METTL15: variants seen among roughly 807,000 people sequenced by gnomAD.
The protein encoded by METTL15 is methyltransferase 15, mitochondrial 12S rRNA N4-cytidine.
METTL15 carries 34 observed loss-of-function variants against 38.3 expected under a neutral mutation model. That is an observed-to-expected ratio of 0.89 (90% CI 0.68 to 1.18). METTL15 has a LOEUF of 1.18. Ranked by LOEUF, METTL15 falls within the 50% of genes most tolerant of loss-of-function variation. METTL15 has a pLI of 0.00. For missense variants in METTL15, 438 were observed against 498.4 expected (o/e 0.88, Z 1.15); for synonymous variants, 162 against 170.9 (o/e 0.95, Z 0.41).
At chr11:28,161,721 C>T (rs1443129748) in intron 3 of METTL15, among the ~76,000 whole-genome samples, 1 of 149,452 alleles carries the variant, frequency 6.7e-6, no homozygotes, top group Non-Finnish European at 1.5e-5. Flanking sequence ...TATTTTGAAA[C>T]TTTACATCTT....
intron 4 of METTL15, among the ~76,000 whole-genome samples, chr11:28,353,604 A>C (rs1165691411): frequency 6.6e-6 from 1 of 152,156 alleles, no homozygotes; most frequent in Non-Finnish European, 1.5e-5. Flanking sequence ...GGGATGCAAG[A>C]GATCTTTTCC....
intron 4 of METTL15, among the ~76,000 whole-genome samples, chr11:28,215,857 G>A (rs886619809): frequency 1.3e-5 from 2 of 152,094 alleles, no homozygotes; most frequent in Non-Finnish European, 2.9e-5. Context: ...AACATAGTGA[G>A]ACACCGTTTC....
downstream of METTL15, among the ~76,000 whole-genome samples, chr11:28,334,735 G>T (rs1849885503): frequency 6.6e-6 from 1 of 152,212 alleles, no homozygotes; most frequent in African/African-American, 2.4e-5. Context: ...AGGATGATCT[G>T]CAGGAATGCT....
intron 5 of METTL15, among the ~76,000 whole-genome samples, chr11:28,382,415 C>A (rs1386720132): frequency 1.3e-5 from 2 of 152,230 alleles, no homozygotes; most frequent in East Asian, 1.9e-4. Flanking sequence ...CATGAAAAAA[C>A]CCAAAATGGC....
In METTL15 at chr11:28,223,375, GAA is replaced by G. The variant is rs559447402; in HGVS notation, c.407+12179_407+12180del. On this transcript the variant is annotated intron_variant, in intron 4 of 6. Coordinates refer to ENST00000407364, the MANE Select transcript of METTL15 (RefSeq NM_001113528.2). ...TAGTAATAAAATGAAGTATGCATGA[GAA>G]AGAAAAACACAAATTTGTGTTTGGG... Among the ~76,000 whole-genome samples, 34 of 152,154 alleles carry G rather than the reference GAA, an allele frequency of 2.2e-4. No individual in the cohort carries two copies. In the East Asian group the frequency reaches 6.0e-3, roughly 27 times the overall value.
rs1851574215 is a variant in METTL15 at position 28,108,395 on chromosome 11, T to A, written c.-311T>A. The A allele has an allele frequency of 1.3e-5, 2 of 152,438 alleles. No homozygotes were observed. Among genetic ancestry groups the A allele is most frequent in the African/African-American group, 2.4e-5 (1 of 41,466 alleles). 9.4% of individuals were successfully genotyped at this position (152,438 alleles called of 1,614,324 possible). A position where few individuals can be genotyped will look rare whatever the true frequency, so the allele number is the denominator to read the frequency against. The stretch of plus-strand genomic sequence containing the variant: ...GAGCTGCTGGTGGGAGGCAGCCACT[T>A]GAGATCACCAGGCCTCCTGTAGACC... On this transcript the variant is annotated 5_prime_UTR_variant, in exon 1 of 7. Transcript: ENST00000407364.
rs755220731 is a variant in METTL15, at chr11:28,328,057, T to C, written c.779-2339T>C. ...ATGTGCTCCATGAATGTTTACTTCC[T>C]ATTTTACATGAAAATATATGTTTGT... On this transcript the variant is annotated intron_variant, in intron 6 of 6. Coordinates refer to ENST00000407364, the MANE Select transcript of METTL15 (RefSeq NM_001113528.2). 3.1e-6 allele frequency: 5 copies of C among 1,588,524 alleles called. No individual in the cohort carries two copies. The Admixed American group carries it at 8.7e-5, about 28-fold the overall frequency.
At chr11:28,476,035 ATCTGACT>A (rs1851343686) in intron 6 of METTL15, among the ~76,000 whole-genome samples, 1 of 152,212 alleles carries the variant, frequency 6.6e-6, no homozygotes, top group Non-Finnish European at 1.5e-5. Flanking sequence ...TGATACCTTC[ATCTGACT>A]TCTGTTTGCT....
At chr11:28,289,210 C>T (rs1373430026) in intron 4 of METTL15, among the ~76,000 whole-genome samples, 1 of 152,102 alleles carries the variant, frequency 6.6e-6, no homozygotes, top group Non-Finnish European at 1.5e-5. Flanking sequence ...TTCCTCTCAG[C>T]TCAAAGTACA....
At chr11:28,300,647 A>T (rs1856881719) in intron 6 of METTL15, among the ~76,000 whole-genome samples, 1 of 152,178 alleles carries the variant, frequency 6.6e-6, no homozygotes, top group Non-Finnish European at 1.5e-5. Context: ...TTCCAAAAAC[A>T]ACCTGTAGGA....
At chr11:28,260,122 C>G in intron 4 of METTL15, among the ~76,000 whole-genome samples, 1 of 152,214 alleles carries the variant, frequency 6.6e-6, no homozygotes, top group East Asian at 1.9e-4. Context: ...TCAACCTCAT[C>G]TTTCTCTAAG....
rs1856454963 is a variant in METTL15, at chr11:28,290,193, GGT to G, written c.408-12_408-11del. On this transcript the variant is annotated splice_polypyrimidine_tract_variant and intron_variant, in intron 4 of 6. Coordinates refer to ENST00000407364, the MANE Select transcript of METTL15 (RefSeq NM_001113528.2). ...ACAGAAGTGTTTTCTCTATCTCCTG[GGT>G]TTACTCACAGTAAACAAATCCGAGC... is the stretch of plus-strand genomic sequence containing the variant. 6.3e-7 allele frequency: 1 copy of G among 1,597,396 alleles called. No homozygotes were observed. Among genetic ancestry groups the G allele is most frequent in the African/African-American group, 1.3e-5 (1 of 74,422 alleles).
Position 28,144,254 on chromosome 11 carries a change from C to T in METTL15, c.270+30650C>T, listed in dbSNP as rs192592193. 7.2e-4 allele frequency among the ~76,000 whole-genome samples: 110 copies of T among 152,156 alleles called. 1 individual carries two copies. The highest frequency in any genetic ancestry group is 2.3e-3 in the African/African-American group (95 of 41,514). ...TACTGCCAAAATATATAGATCTGTT[C>T]TTTAGAAAACAACATAAAATAGCTG... On this transcript the variant is annotated intron_variant, in intron 3 of 6. Transcript: ENST00000407364.
intron 4 of METTL15, among the ~76,000 whole-genome samples, chr11:28,251,563 C>T (rs974078032): frequency 2.0e-5 from 3 of 152,032 alleles, no homozygotes; most frequent in African/African-American, 7.2e-5. Flanking sequence ...CACAAAGCCC[C>T]ATTTGTCACA....
chr11:28,222,117 C>T (rs1027314237), intron 4 of METTL15, among the ~76,000 whole-genome samples: 3 of 152,196 alleles, frequency 2.0e-5, no homozygotes, highest in Admixed American at 1.3e-4. Flanking sequence ...GAGGTTTCTG[C>T]TGCCTTTTGT....
At chr11:28,416,979 A>G (rs1850777582) in intron 5 of METTL15, among the ~76,000 whole-genome samples, 1 of 152,214 alleles carries the variant, frequency 6.6e-6, no homozygotes, top group Non-Finnish European at 1.5e-5. Context: ...AAAAATAGAA[A>G]CAACTTGGAT....
At position 28,458,275 on chromosome 11, in the gene METTL15, A is replaced by C. The variant is rs541972989; in HGVS notation, c.*424+33911A>C. On this transcript the variant is annotated intron_variant and NMD_transcript_variant, in intron 6 of 7. Coordinates refer to the METTL15 transcript ENST00000532947. The stretch of plus-strand genomic sequence containing the variant: ...CAGAAATGGACAAATGGCCTTGTTT[A>C]TCTATTCTTTTTTCTTCCACATAAA... Among the ~76,000 whole-genome samples, 149 of 152,194 alleles carry C rather than the reference A, an allele frequency of 9.8e-4. No individual in the cohort carries two copies. The South Asian group carries it at 0.013, about 14-fold the overall frequency.
At chr11:28,272,891 A>G (rs1590244918) in intron 4 of METTL15, among the ~76,000 whole-genome samples, 1 of 152,288 alleles carries the variant, frequency 6.6e-6, no homozygotes, top group African/African-American at 2.4e-5. Flanking sequence ...TACCACTACT[A>G]GCTGTGTGAC....
At chr11:28,301,726 T>C (rs1856919519) in intron 6 of METTL15, among the ~76,000 whole-genome samples, 1 of 152,132 alleles carries the variant, frequency 6.6e-6, no homozygotes, top group African/African-American at 2.4e-5. Context: ...TAAATGTGGC[T>C]ATAGAAAAAT....
Sources: gnomAD v4.1 joint callset for allele counts (sites outside exome capture counted in the v4.1 genomes callset) on GRCh38, gnomAD v4.1.1 for gene constraint, MANE v1.5 for transcripts, NCBI Gene and HGNC (gene_info 2026-07-23, HGNC 2026-07-21) for gene names.